The following DPYD variants were observed in gnomAD, a reference collection of about 807,000 sequenced individuals.
DPYD encodes dihydropyrimidine dehydrogenase, also known as dihydropyrimidine dehydrogenase [NADP(+)].
In DPYD, 109 loss-of-function variants were observed where a neutral mutation model predicts 116.2. The observed-to-expected ratio is 0.94, with a 90% confidence interval of 0.80 to 1.10. The LOEUF is 1.10. DPYD is among the 50% of genes least tolerant of loss of function. DPYD has a pLI of 0.00. For missense variants in DPYD, 1,302 were observed against 1,254.5 expected, an observed-to-expected ratio of 1.04 and a Z score of -0.57; for synonymous variants, 440 against 432.0, an observed-to-expected ratio of 1.02 and a Z score of -0.23.
chr1:97,450,219 A>G lies in DPYD; in HGVS notation c.1745T>C (p.Ile582Thr). 1 of 1,613,484 alleles carries G rather than the reference A, an allele frequency of 6.2e-7. No individual in the cohort carries two copies. The highest frequency in any genetic ancestry group is 1.3e-5 in the African/African-American group (1 of 75,020). Reference protein sequence around the residue: ...LTKTFSLDKDIVTNVSPRIIR... With the variant: ...LTKTFSLDKDTVTNVSPRIIR... ...GATTCTGGGGGAAACATTTGTCACA[A>G]TGTCCTGATGAAAGAGTAAAGATAT... is the stretch of plus-strand genomic sequence containing the variant. Residue 582 changes from isoleucine to threonine, a missense_variant, in exon 14 of 23, where the codon ATT becomes ACT. Transcript: ENST00000370192.
chr1:97,713,119 A>C lies in DPYD; in HGVS notation c.483+8391T>G, dbSNP rs1385390650. On this transcript the variant is annotated intron_variant, in intron 5 of 22. Transcript: ENST00000370192. ...TATTTGAAGATAAATGGGTGGCTTA[A>C]ATGTTAACTTACAGCATCATGCCTT... 8.2e-4 allele frequency among the ~76,000 whole-genome samples: 124 copies of C among 152,116 alleles called. 1 individual carries two copies. The highest frequency in any genetic ancestry group is 1.9e-4 in the Non-Finnish European group (13 of 67,990).
intron 14 of DPYD, among the ~76,000 whole-genome samples, chr1:97,398,321 C>G (rs1011385496): frequency 6.6e-6 from 1 of 152,096 alleles, no homozygotes; most frequent in African/African-American, 2.4e-5. Context: ...GTATATGTTC[C>G]ATATTTTCTT....
intron 12 of DPYD, chr1:97,546,044 T>G: frequency 7.2e-7 from 1 of 1,385,010 alleles, no homozygotes; most frequent in Admixed American, 1.7e-5. Flanking sequence ...AGGTGTTAGA[T>G]GATGAAGACA....
At chr1:97,589,773 T>C (rs963459025) in intron 10 of DPYD, among the ~76,000 whole-genome samples, 1 of 152,170 alleles carries the variant, frequency 6.6e-6, no homozygotes, top group African/African-American at 2.4e-5. Flanking sequence ...TGAGGCATTT[T>C]ACTGACAAAC....
intron 14 of DPYD, among the ~76,000 whole-genome samples, chr1:97,448,866 C>T (rs1347538907): frequency 6.6e-6 from 1 of 151,872 alleles, no homozygotes; most frequent in Non-Finnish European, 1.5e-5. Flanking sequence ...TATATTTGTC[C>T]TATGTGCATG....
At chr1:97,537,262 T>C (rs969447722) in intron 12 of DPYD, among the ~76,000 whole-genome samples, 1 of 152,186 alleles carries the variant, frequency 6.6e-6, no homozygotes, top group African/African-American at 2.4e-5. Flanking sequence ...TTTTCCCACA[T>C]CATAAGCATT....
chr1:97,436,072 A>C (rs1467898570), intron 14 of DPYD, among the ~76,000 whole-genome samples: 1 of 152,030 alleles, frequency 6.6e-6, no homozygotes, highest in Non-Finnish European at 1.5e-5. Context: ...TGCACATTTT[A>C]AAGGCTTGAG....
chr1:97,704,133 T>C (rs1406853386), intron 5 of DPYD, among the ~76,000 whole-genome samples: 2 of 152,074 alleles, frequency 1.3e-5, no homozygotes, highest in African/African-American at 2.4e-5. Context: ...CAACTAACTC[T>C]TTTTTAACTG....
chr1:97,812,361 A>G (rs1668383483), intron 3 of DPYD, among the ~76,000 whole-genome samples: 1 of 152,156 alleles, frequency 6.6e-6, no homozygotes. Context: ...TGTTTTTAGT[A>G]ACTACAATCA....
intron 3 of DPYD, chr1:97,797,585 C>T (rs1667636096): frequency 6.6e-6 from 1 of 152,066 alleles, no homozygotes; most frequent in South Asian, 2.1e-4. Flanking sequence ...CTGCCAACAG[C>T]TTAACAACCA....
chr1:97,397,126 T>C (rs1673054189), intron 14 of DPYD, among the ~76,000 whole-genome samples: 1 of 152,066 alleles, frequency 6.6e-6, no homozygotes, highest in Non-Finnish European at 1.5e-5. Context: ...TGGCTTATTA[T>C]TAATAAATTT....
At position 97,720,802 on chromosome 1, in the gene DPYD, T is replaced by G. The variant is rs1306884980; in HGVS notation, c.483+708A>C. On this transcript the variant is annotated intron_variant, in intron 5 of 22. Coordinates refer to ENST00000370192, the MANE Select transcript of DPYD (RefSeq NM_000110.4). ...TATACCCTTCATATAAGCTGATCAT[T>G]TAAATGATACATGGGAATTAACCTG... 8 of 1,558,008 alleles carry G rather than the reference T, an allele frequency of 5.1e-6. No homozygotes were observed. The African/African-American group carries it at 1.1e-4, about 22-fold the overall frequency.
chr1:97,086,305 C>T (rs907166936), intron 21 of DPYD, among the ~76,000 whole-genome samples: 9 of 151,822 alleles, frequency 5.9e-5, no homozygotes, highest in Admixed American at 2.6e-4. Context: ...CCGCCTTGGC[C>T]TCCCAAAGTG....
At chr1:97,375,493 C>T (rs935371733) in intron 15 of DPYD, among the ~76,000 whole-genome samples, 3 of 152,090 alleles carry the variant, frequency 2.0e-5, no homozygotes, top group African/African-American at 7.2e-5. Context: ...AACATGGTTT[C>T]CTTATGGTTT....
chr1:97,529,657 C>CT (rs977950720), intron 12 of DPYD, among the ~76,000 whole-genome samples: 2 of 151,040 alleles, frequency 1.3e-5, no homozygotes, highest in Admixed American at 6.6e-5. Flanking sequence ...TTATCCCTTC[C>CT]TTTTTTTCTT....
chr1:97,374,718 G>GAAA lies in DPYD; in HGVS notation c.1975-1077_1975-1075dup, dbSNP rs144889184. 9.5e-4 allele frequency among the ~76,000 whole-genome samples: 50 copies of GAAA among 52,610 alleles called. 2 individuals carry two copies. The highest frequency in any genetic ancestry group is 4.5e-3 in the African/African-American group (44 of 9,746). The allele number at this position is 52,610 out of a possible 152,430, so 34.5% of individuals were successfully genotyped here. On this transcript the variant is annotated intron_variant, in intron 15 of 22. Transcript: ENST00000370192. ...TGGGAAAGAGCAAGACTCCGTCTCA[G>GAAA]AAAAAAAAAAAAAAAAAAAAAAAAA...
intron 11 of DPYD, among the ~76,000 whole-genome samples, chr1:97,551,869 C>A (rs1319847665): frequency 6.6e-6 from 1 of 151,990 alleles, no homozygotes; most frequent in Non-Finnish European, 1.5e-5. Flanking sequence ...TTTTTTCTTT[C>A]CATTATTCCC....
chr1:97,902,758 C>T (rs766813545), intron 1 of DPYD, among the ~76,000 whole-genome samples: 2 of 151,698 alleles, frequency 1.3e-5, no homozygotes, highest in Non-Finnish European at 1.5e-5. Flanking sequence ...TTATTTTAGA[C>T]ACAGAATATT....
At chr1:97,634,789 G>A (rs540572925) in intron 8 of DPYD, among the ~76,000 whole-genome samples, 1 of 151,978 alleles carries the variant, frequency 6.6e-6, no homozygotes, top group African/African-American at 2.4e-5. Flanking sequence ...AAGGCATATA[G>A]AATAGCATCA....
Sources: gnomAD v4.1 joint callset for allele counts (sites outside exome capture counted in the v4.1 genomes callset) on GRCh38, gnomAD v4.1.1 for gene constraint, MANE v1.5 for transcripts, NCBI Gene and HGNC (gene_info 2026-07-23, HGNC 2026-07-21) for gene names.